MRC1: variants seen among roughly 807,000 people sequenced by gnomAD.
MRC1 encodes mannose receptor C-type 1.
Under a neutral mutation model 102.9 loss-of-function variants are expected in MRC1, and 62 were observed. That is an observed-to-expected ratio of 0.60 (90% CI 0.49 to 0.74). MRC1 has a LOEUF of 0.74. Ranked by LOEUF, MRC1 falls within the 30% of genes least tolerant of loss-of-function variation. MRC1 has a pLI of 0.00. For missense variants in MRC1, 1,237 were observed against 862.8 expected (o/e 1.43, Z -5.43); for synonymous variants, 457 against 298.4 (o/e 1.53, Z -5.48).
intron 8 of MRC1, among the ~76,000 whole-genome samples, chr10:17,855,984 C>T (rs1193471901): frequency 2.0e-5 from 3 of 151,992 alleles, no homozygotes; most frequent in Admixed American, 6.5e-5. Flanking sequence ...GCCTGGCCAA[C>T]ATGGTGAAAC....
intron 18 of MRC1, among the ~76,000 whole-genome samples, chr10:17,878,236 A>G (rs1239455673): frequency 6.6e-6 from 1 of 152,230 alleles, no homozygotes; most frequent in Admixed American, 6.5e-5. Context: ...TCAGTAAATC[A>G]TCTACTAAAA....
chr10:17,858,006 A>C (rs1308904344), intron 9 of MRC1, among the ~76,000 whole-genome samples: 1 of 152,226 alleles, frequency 6.6e-6, no homozygotes, highest in Non-Finnish European at 1.5e-5. Context: ...GGTGAGACTG[A>C]AACCCCAAAT....
intron 6 of MRC1, among the ~76,000 whole-genome samples, 180 bp downstream of exon 6, chr10:17,845,615 G>A (rs575924566): frequency 0.028 from 4,326 of 152,178 alleles, 232 homozygotes; most frequent in African/African-American, 0.099. Context: ...CTGAGTGTGC[G>A]GCGGTGTCTG....
At chr10:17,828,501 C>T (rs1238829018) in intron 3 of MRC1, among the ~76,000 whole-genome samples, 3 of 151,370 alleles carry the variant, frequency 2.0e-5, no homozygotes, top group East Asian at 1.9e-4. Flanking sequence ...AATGCCTTAC[C>T]TTTATGAAAC....
chr10:17,841,765 G>A (rs1838754805), intron 5 of MRC1, among the ~76,000 whole-genome samples: 6 of 136,362 alleles, frequency 4.4e-5, no homozygotes, highest in Admixed American at 3.8e-4. Flanking sequence ...TTTTAGGAAA[G>A]AGTGCAATTA....
chr10:17,870,216 A>C (rs1262524064), intron 12 of MRC1, 30 bp from the exon 13 acceptor site: 2 of 768,908 alleles, frequency 2.6e-6, no homozygotes, highest in Non-Finnish European at 4.8e-6. Context: ...ACAAAGCATA[A>C]AATAATTTTT....
chr10:17,847,122 C>T (rs942245679), intron 6 of MRC1, among the ~76,000 whole-genome samples: 24 of 151,872 alleles, frequency 1.6e-4, no homozygotes, highest in African/African-American at 5.3e-4. Context: ...TTGCATTTTA[C>T]CTCTACTATT....
At chr10:17,878,045 C>A (rs2130686633) in intron 18 of MRC1, 78 bp downstream of exon 18, 1 of 813,664 alleles carries the variant, frequency 1.2e-6, no homozygotes, top group Non-Finnish European at 2.2e-6. Flanking sequence ...TGAGATTTTT[C>A]TTTGTGGAAT....
At position 17,866,615 on chromosome 10, in the gene MRC1, G is replaced by T; in HGVS notation, c.1837G>T (p.Asp613Tyr). 2 of 780,848 alleles carry T rather than the reference G, an allele frequency of 2.6e-6. No homozygotes were observed. Among genetic ancestry groups the T allele is most frequent in the Non-Finnish European group, 4.8e-6 (2 of 417,960 alleles). The allele number at this position is 780,848 out of a possible 1,614,324, so 48.4% of individuals were successfully genotyped here. ...MRTGIAGGLW[D>Y]VLKCDEKAKF... ...AACCGGGATTGCAGGGGGCTTATGG[G>T]ATGTTTTGAAATGTGATGAAAAGGC... Residue 613 changes from aspartate (D) to tyrosine (Y), a missense_variant, in exon 12 of 30, where the codon GAT becomes TAT. By Grantham distance (160) the Asp-to-Tyr change is radical. Transcript: ENST00000569591.
intron 1 of MRC1, among the ~76,000 whole-genome samples, chr10:17,811,268 A>G (rs1048465429): frequency 1.3e-5 from 2 of 152,142 alleles, no homozygotes; most frequent in Non-Finnish European, 2.9e-5. Flanking sequence ...TAAGTGTACA[A>G]TGGTTACATG....
chr10:17,817,854 C>A lies in MRC1; in HGVS notation c.62-5220C>A, dbSNP rs1398654506. On this transcript the variant is annotated intron_variant, in intron 1 of 29. Transcript: ENST00000569591. ...ATGCCACAAGCTGCCTTTTGGCCAA[C>A]GTCTTGAATACGCCTTCAGAGGAAG... Among the ~76,000 whole-genome samples, 4 of 152,292 alleles carry A rather than the reference C, an allele frequency of 2.6e-5. No homozygotes were observed. In the East Asian group the frequency reaches 7.7e-4, roughly 29 times the overall value.
chr10:17,828,751 T>A (rs1838522644), intron 3 of MRC1, among the ~76,000 whole-genome samples: 1 of 151,522 alleles, frequency 6.6e-6, no homozygotes, highest in African/African-American at 2.5e-5. Flanking sequence ...AAATTCAGGT[T>A]TTATTGCAAG....
chr10:17,830,218 G>A (rs1838547892), intron 3 of MRC1, among the ~76,000 whole-genome samples: 1 of 151,108 alleles, frequency 6.6e-6, no homozygotes, highest in Admixed American at 6.6e-5. Context: ...CACAACCTCT[G>A]CCTCCCAGGC....
intron 3 of MRC1, among the ~76,000 whole-genome samples, chr10:17,829,322 T>C (rs1174212829): frequency 1.3e-5 from 2 of 151,650 alleles, no homozygotes; most frequent in East Asian, 3.9e-4. Context: ...TACTTATTTA[T>C]CTCTCTGGAT....
chr10:17,904,395 T>C (rs952338517), intron 26 of MRC1, among the ~76,000 whole-genome samples: 1 of 152,220 alleles, frequency 6.6e-6, no homozygotes, highest in Non-Finnish European at 1.5e-5. Context: ...AAATAGAAAA[T>C]TCCTGCTTGA....
intron 3 of MRC1, among the ~76,000 whole-genome samples, chr10:17,833,245 G>T (rs1056333660): frequency 1.3e-5 from 2 of 152,090 alleles, no homozygotes; most frequent in African/African-American, 4.8e-5. Flanking sequence ...AACAGTCCGG[G>T]CATAGTAGCT....
At chr10:17,878,910 T>C (rs1026239258) in intron 18 of MRC1, among the ~76,000 whole-genome samples, 1 of 152,124 alleles carries the variant, frequency 6.6e-6, no homozygotes, top group African/African-American at 2.4e-5. Flanking sequence ...AGTGAAAAGG[T>C]CAAATTTCAT....
Position 17,862,444 on chromosome 10 carries a change from C to G in MRC1, c.1634+942C>G, listed in dbSNP as rs971666400. 5.3e-5 allele frequency among the ~76,000 whole-genome samples: 8 copies of G among 152,260 alleles called. No homozygotes were observed. In the East Asian group the frequency reaches 1.5e-3, roughly 29 times the overall value. ...CCTTTAAGTACCATGAGATCATATT[C>G]TGGTCTGCACTATAATTGATCTTTT... On this transcript the variant is annotated intron_variant, in intron 10 of 29. Coordinates refer to ENST00000569591, the MANE Select transcript of MRC1 (RefSeq NM_002438.4).
chr10:17,865,112 A>G (rs1166100051), intron 11 of MRC1, among the ~76,000 whole-genome samples: 1 of 152,232 alleles, frequency 6.6e-6, no homozygotes, highest in Non-Finnish European at 1.5e-5. Context: ...AGAAATTTCA[A>G]CATCCCTTAT....
Sources: gnomAD v4.1 joint callset for allele counts (sites outside exome capture counted in the v4.1 genomes callset) on GRCh38, gnomAD v4.1.1 for gene constraint, MANE v1.5 for transcripts, NCBI Gene and HGNC (gene_info 2026-07-23, HGNC 2026-07-21) for gene names.